Variants in DPF3 observed in about 807,000 individuals in gnomAD.
DPF3 encodes double PHD fingers 3.
DPF3 carries 18 observed loss-of-function variants against 56.8 expected under a neutral mutation model. That is an observed-to-expected ratio of 0.32 (90% CI 0.22 to 0.47). The LOEUF (loss-of-function observed/expected upper bound fraction) is 0.47. Among genes scored for constraint, DPF3 ranks in the 20% least tolerant of loss-of-function variants. The pLI is 1.00. For missense variants in DPF3, 403 were observed against 488.8 expected (o/e 0.82, Z 1.65); for synonymous variants, 188 against 180.2 (o/e 1.04, Z -0.35).
Position 72,615,471 on chromosome 14 carries a change from G to C in DPF3, c.*3826C>G, listed in dbSNP as rs182257634. ...AGGAAGCGGGCTGTATTCAAAGCAC[G>C]AATACAAAAATGCACCAGGAGTGTG... is the stretch of plus-strand genomic sequence containing the variant. On this transcript the variant is annotated 3_prime_UTR_variant, in exon 11 of 11. Transcript: ENST00000556509. 1.3e-5 allele frequency among the ~76,000 whole-genome samples: 2 copies of C among 152,212 alleles called. No individual in the cohort carries two copies. Among genetic ancestry groups the C allele is most frequent in the Non-Finnish European group, 2.9e-5 (2 of 68,034 alleles).
At chr14:72,835,942 G>C (rs761421299) in intron 1 of DPF3, 14 of 703,450 alleles carry the variant, frequency 2.0e-5, no homozygotes, top group Non-Finnish European at 2.4e-5. Context: ...TTGACTCTTC[G>C]ACACCTAAAA....
chr14:72,812,300 AG>A (rs1307088850), intron 1 of DPF3, among the ~76,000 whole-genome samples: 1 of 151,820 alleles, frequency 6.6e-6, no homozygotes, highest in East Asian at 1.9e-4. Context: ...AGCATTGCCC[AG>A]TGTTGTCAAA....
chr14:72,680,627 G>A (rs1314554125), intron 7 of DPF3, among the ~76,000 whole-genome samples: 1 of 152,282 alleles, frequency 6.6e-6, no homozygotes, highest in East Asian at 1.9e-4. Context: ...CAGGGCTGCT[G>A]TCATGAGTCC....
chr14:72,636,716 A>C (rs1404904661), intron 8 of DPF3, among the ~76,000 whole-genome samples: 13 of 152,240 alleles, frequency 8.5e-5, no homozygotes. Context: ...AAAGGTCTGC[A>C]GGTTCACCTC....
intron 3 of DPF3, 88 bp downstream of exon 3, chr14:72,753,176 A>C: frequency 2.4e-6 from 3 of 1,263,282 alleles, no homozygotes; most frequent in South Asian, 2.8e-5. Context: ...CTCTATGGAC[A>C]AAGGAGCAAA....
At chr14:72,696,011 C>T (rs185360580) in intron 6 of DPF3, among the ~76,000 whole-genome samples, 13 of 152,248 alleles carry the variant, frequency 8.5e-5, no homozygotes, top group African/African-American at 3.1e-4. Context: ...CTGAGGTGCA[C>T]TCTGGATCTG....
intron 2 of DPF3, among the ~76,000 whole-genome samples, chr14:72,756,897 G>A (rs1407331612): frequency 1.3e-4 from 6 of 45,296 alleles, no homozygotes; most frequent in African/African-American, 9.4e-4. Context: ...AAGAAAGAAA[G>A]AAAAGAAAAA....
chr14:72,730,307 C>T (rs1466421506), intron 4 of DPF3, among the ~76,000 whole-genome samples: 1 of 152,062 alleles, frequency 6.6e-6, no homozygotes, highest in African/African-American at 2.4e-5. Flanking sequence ...AATATGACCC[C>T]AAGGTCCCTT....
chr14:72,802,952 T>C (rs1352429157), intron 1 of DPF3, among the ~76,000 whole-genome samples: 1 of 152,052 alleles, frequency 6.6e-6, no homozygotes, highest in Non-Finnish European at 1.5e-5. Flanking sequence ...CCCATGGAGG[T>C]CCAGGGCCCC....
At chr14:72,634,781 A>C (rs1281434104) in intron 8 of DPF3, among the ~76,000 whole-genome samples, 1 of 151,146 alleles carries the variant, frequency 6.6e-6, no homozygotes, top group Non-Finnish European at 1.5e-5. Context: ...TAGAGCAAGA[A>C]ATACCCATAT....
chr14:72,686,814 T>A (rs1031028193), intron 7 of DPF3, among the ~76,000 whole-genome samples: 3 of 152,176 alleles, frequency 2.0e-5, no homozygotes, highest in African/African-American at 7.2e-5. Flanking sequence ...TGGTGTCAAG[T>A]TTAGGTACGC....
At chr14:72,773,078 A>C (rs1425681302) in intron 1 of DPF3, among the ~76,000 whole-genome samples, 3 of 151,906 alleles carry the variant, frequency 2.0e-5, no homozygotes, top group Non-Finnish European at 4.4e-5. Context: ...ATCATTTCTT[A>C]ACCAAAGTAT....
chr14:72,711,106 A>G (rs557020804), intron 6 of DPF3, among the ~76,000 whole-genome samples: 125 of 152,344 alleles, frequency 8.2e-4, no homozygotes, highest in African/African-American at 2.9e-3. Context: ...GGTTAAATAA[A>G]TCACATCAGA....
chr14:72,802,182 C>T (rs1419560319), intron 1 of DPF3, among the ~76,000 whole-genome samples: 5 of 151,350 alleles, frequency 3.3e-5, no homozygotes, highest in African/African-American at 1.2e-4. Context: ...CTGAACACTA[C>T]GAGACAAATG....
chr14:72,814,169 C>G (rs925840569), intron 1 of DPF3, among the ~76,000 whole-genome samples: 7 of 152,122 alleles, frequency 4.6e-5, no homozygotes, highest in African/African-American at 1.7e-4. Context: ...ATGGTGCCCC[C>G]AGAGTGAGGC....
intron 9 of DPF3, among the ~76,000 whole-genome samples, chr14:72,621,878 G>C (rs570951375): frequency 3.3e-5 from 5 of 152,320 alleles, no homozygotes; most frequent in Non-Finnish European, 4.4e-5. Context: ...CACCCAATGG[G>C]ACATGGGAGG....
intron 2 of DPF3, among the ~76,000 whole-genome samples, chr14:72,761,918 T>G (rs778031420): frequency 1.3e-5 from 2 of 151,828 alleles, no homozygotes; most frequent in Non-Finnish European, 3.0e-5. Context: ...TGCAGCAATA[T>G]TATGAACAAC....
chr14:72,659,862 C>T (rs1361679385), intron 8 of DPF3, among the ~76,000 whole-genome samples: 1 of 152,216 alleles, frequency 6.6e-6, no homozygotes, highest in Non-Finnish European at 1.5e-5. Context: ...CAATGAAATA[C>T]TATTTAGCCT....
chr14:72,873,797 A>G (rs1185857167), intron 1 of DPF3, among the ~76,000 whole-genome samples: 2 of 152,040 alleles, frequency 1.3e-5, no homozygotes. Context: ...GCTGGAAACC[A>G]TCATTCTCAG....
Sources: allele counts gnomAD v4.1 joint callset (sites outside exome capture counted in the v4.1 genomes callset), GRCh38; gene constraint gnomAD v4.1.1; transcripts MANE v1.5; gene names NCBI Gene and HGNC (gene_info 2026-07-23, HGNC 2026-07-21).